GJC1: variants seen among roughly 807,000 people sequenced by gnomAD.
The protein encoded by GJC1 is gap junction gamma-1 protein.
A neutral mutation model predicts 29.3 loss-of-function variants in GJC1; 5 were observed. The ratio of observed to expected loss-of-function variants is 0.17; its 90% CI spans 0.09 to 0.36. GJC1 has a LOEUF of 0.36. Ranked by LOEUF, GJC1 falls within the 10% of genes least tolerant of loss-of-function variation. GJC1 has a pLI of 1.00. For missense variants in GJC1, 310 were observed against 496.2 expected (o/e 0.62, Z 3.56); for synonymous variants, 177 against 183.3 (o/e 0.97, Z 0.28).
chr17:44,819,397 G>T (rs376279597), intron 1 of GJC1, among the ~76,000 whole-genome samples: 1 of 151,962 alleles, frequency 6.6e-6, no homozygotes, highest in African/African-American at 2.4e-5. Context: ...GGTGGCTCAC[G>T]CCTGTAATCC....
chr17:44,809,910 G>A (rs541318677), intron 1 of GJC1, among the ~76,000 whole-genome samples: 1 of 146,206 alleles, frequency 6.8e-6, no homozygotes, highest in South Asian at 2.2e-4. Flanking sequence ...CCAAGCTGGA[G>A]TGCAGTGGCA....
intron 1 of GJC1, among the ~76,000 whole-genome samples, chr17:44,808,383 G>A (rs1234512247): frequency 6.6e-6 from 1 of 151,294 alleles, no homozygotes; most frequent in Non-Finnish European, 1.5e-5. Flanking sequence ...TGGCAGTGGT[G>A]GCCACTGCAG....
upstream of GJC1, chr17:44,830,576 C>G (rs933701901): frequency 7.5e-6 from 3 of 398,410 alleles, no homozygotes; most frequent in Non-Finnish European, 1.3e-5. This position sits in a 1 kb window ranked among gnomAD's most constrained non-coding sequence, Gnocchi z 4.3. Flanking sequence ...GGGCGAGAGT[C>G]CCCCGCCAGC....
At chr17:44,821,978 A>G (rs1420687251) in intron 1 of GJC1, among the ~76,000 whole-genome samples, 1 of 151,850 alleles carries the variant, frequency 6.6e-6, no homozygotes, top group Non-Finnish European at 1.5e-5. Context: ...CAGGTGGATC[A>G]CAAGGTCAGG....
chr17:44,797,739 G>A (rs182905470), downstream of GJC1: 93 of 152,296 alleles, frequency 6.1e-4, no homozygotes, highest in African/African-American at 2.2e-3. Context: ...GATGCCACAG[G>A]TATTAGTCTC....
Position 44,801,396 on chromosome 17 carries a change from A to G in GJC1, c.*3231T>C, listed in dbSNP as rs968796428. ...TAGCAGGTGAAGGACTAAGCACTCA[A>G]CTTGTATTTGGAGGAGAAGCAAGTG... On this transcript the variant is annotated 3_prime_UTR_variant, in exon 3 of 3. Transcript: ENST00000592524. 1 of 152,228 alleles carries G rather than the reference A, an allele frequency of 6.6e-6. No individual in the cohort carries two copies. The highest frequency in any genetic ancestry group is 2.4e-5 in the African/African-American group (1 of 41,450). The allele number at this position is 152,228 out of a possible 1,614,324, so 9.4% of individuals were successfully genotyped here.
At chr17:44,796,246 C>T (rs900020358), downstream of GJC1, among the ~76,000 whole-genome samples, 2 of 152,352 alleles carry the variant, frequency 1.3e-5, no homozygotes, top group East Asian at 1.9e-4. Flanking sequence ...TCCCTTCCCC[C>T]CTTCCATATC....
chr17:44,815,973 C>T (rs998211278), intron 1 of GJC1, among the ~76,000 whole-genome samples: 3 of 151,646 alleles, frequency 2.0e-5, no homozygotes, highest in Admixed American at 6.6e-5. Flanking sequence ...ATTAGCCAGA[C>T]GTGGTGGCGG....
chr17:44,804,531 T>C lies in GJC1; in HGVS notation c.*96A>G, dbSNP rs968043223. 400 of 1,002,680 alleles carry C rather than the reference T, an allele frequency of 4.0e-4. 3 individuals carry two copies. The highest frequency in any genetic ancestry group is 1.9e-4 in the Non-Finnish European group (124 of 664,930). 62.1% of individuals were successfully genotyped at this position (1,002,680 alleles called of 1,614,324 possible). ...CATGAGCCAACAGCATCCCTGAAGA[T>C]AACCAGAGCCAAATGTTTACTCAAT... On this transcript the variant is annotated 3_prime_UTR_variant, in exon 3 of 3. Transcript: ENST00000592524.
intron 1 of GJC1, among the ~76,000 whole-genome samples, chr17:44,812,144 CCTA>C (rs968128671): frequency 6.6e-6 from 1 of 151,800 alleles, no homozygotes; most frequent in Non-Finnish European, 1.5e-5. Context: ...GAAACCCGCC[CCTA>C]CTAAAAACAC....
chr17:44,808,867 C>G (rs947365879), intron 1 of GJC1, among the ~76,000 whole-genome samples: 1 of 152,098 alleles, frequency 6.6e-6, no homozygotes, highest in African/African-American at 2.4e-5. Flanking sequence ...CACCAGCAGT[C>G]GGGAGTTTGA....
At chr17:44,796,579 A>T (rs960978530), downstream of GJC1, among the ~76,000 whole-genome samples, 3 of 152,192 alleles carry the variant, frequency 2.0e-5, no homozygotes, top group African/African-American at 7.2e-5. Context: ...ACAATTTTTT[A>T]AAAATGAGTG....
intron 1 of GJC1, among the ~76,000 whole-genome samples, chr17:44,821,730 A>AAAAAAAC (rs1567714317): frequency 6.4e-5 from 9 of 141,394 alleles, no homozygotes; most frequent in Non-Finnish European, 1.1e-4. Flanking sequence ...AAAAAACAAC[A>AAAAAAAC]AAAAAACACC....
chr17:44,806,401 G>GTTTTTTTTTTTT, intron 2 of GJC1, among the ~76,000 whole-genome samples: 1 of 122,138 alleles, frequency 8.2e-6, no homozygotes, highest in Non-Finnish European at 1.7e-5. Context: ...TCTTCTGTTT[G>GTTTTTTTTTTTT]TTTTTTTTTT....
At position 44,798,699 on chromosome 17, in the gene GJC1, CCTAG is replaced by C. The variant is rs1184588230; in HGVS notation, c.*5924_*5927del. 6.6e-6 allele frequency: 1 copy of C among 152,172 alleles called. No homozygotes were observed. Among genetic ancestry groups the C allele is most frequent in the African/African-American group, 2.4e-5 (1 of 41,438 alleles). 9.4% of individuals were successfully genotyped at this position (152,172 alleles called of 1,614,324 possible). A position where few individuals can be genotyped will look rare whatever the true frequency, so the allele number is the denominator to read the frequency against. The stretch of plus-strand genomic sequence containing the variant: ...TAAATTATCTTAAAAGGCTGGAAGT[CCTAG>C]CTAAGTTTTCAATATCAATATGCTA... On this transcript the variant is annotated 3_prime_UTR_variant, in exon 3 of 3. Coordinates refer to ENST00000592524, the MANE Select transcript of GJC1 (RefSeq NM_005497.4).
chr17:44,823,022 T>TGG (rs2050129795), intron 1 of GJC1, among the ~76,000 whole-genome samples: 1 of 152,152 alleles, frequency 6.6e-6, no homozygotes, highest in Non-Finnish European at 1.5e-5. Flanking sequence ...AGCTCTAATT[T>TGG]GAACGTTCCC....
chr17:44,808,904 C>G (rs1237815125), intron 1 of GJC1, among the ~76,000 whole-genome samples: 3 of 151,986 alleles, frequency 2.0e-5, no homozygotes, highest in Non-Finnish European at 4.4e-5. Context: ...ATGGACTGAC[C>G]AACTAACTAA....
chr17:44,797,107 T>A (rs898336823), downstream of GJC1, among the ~76,000 whole-genome samples: 1 of 151,656 alleles, frequency 6.6e-6, no homozygotes, highest in Non-Finnish European at 1.5e-5. Flanking sequence ...ATATATTTTT[T>A]AATTATTATT....
At chr17:44,816,075 T>C (rs2050039415) in intron 1 of GJC1, among the ~76,000 whole-genome samples, 1 of 126,678 alleles carries the variant, frequency 7.9e-6, no homozygotes, top group African/African-American at 3.0e-5. Flanking sequence ...ATCGTGCCAC[T>C]GCACTCCAGC....
Sources: allele counts gnomAD v4.1 joint callset (sites outside exome capture counted in the v4.1 genomes callset), GRCh38; gene constraint gnomAD v4.1.1; non-coding constraint Gnocchi (gnomAD v3.1); transcripts MANE v1.5; gene names NCBI Gene and HGNC (gene_info 2026-07-23, HGNC 2026-07-21).